AUTS2: variants seen among roughly 807,000 people sequenced by gnomAD.
AUTS2 encodes autism susceptibility gene 2 protein.
A neutral mutation model predicts 112.4 loss-of-function variants in AUTS2; 17 were observed. The observed-to-expected ratio is 0.15, with a 90% CI of 0.10 to 0.23. The LOEUF is 0.23. Among genes scored for constraint, AUTS2 ranks in the 10% least tolerant of loss-of-function variants. The probability of loss-of-function intolerance (pLI) is 1.00; values close to 1 mark genes in which losing one functional copy is unlikely to be tolerated. For missense variants in AUTS2, 1,510 were observed against 1,701.6 expected, an observed-to-expected ratio of 0.89 and a Z score of 1.98; for synonymous variants, 751 against 702.7, an observed-to-expected ratio of 1.07 and a Z score of -1.09.
chr7:69,800,864 A>G (rs1040022668), intron 1 of AUTS2, among the ~76,000 whole-genome samples: 1 of 151,894 alleles, frequency 6.6e-6, no homozygotes, highest in African/African-American at 2.4e-5. Flanking sequence ...ATTTATTTAC[A>G]TTCCTTCTAT....
At chr7:70,528,109 T>TA (rs1275870393) in intron 5 of AUTS2, among the ~76,000 whole-genome samples, 107 of 148,062 alleles carry the variant, frequency 7.2e-4, no homozygotes, top group African/African-American at 1.4e-3. Context: ...TTTTTTTTTT[T>TA]TTTTTTTTTT....
chr7:70,290,302 A>C (rs768575797), intron 4 of AUTS2: 72 of 1,377,078 alleles, frequency 5.2e-5, no homozygotes, highest in Non-Finnish European at 6.6e-5. Flanking sequence ...CATTTAGCAC[A>C]GTATTATATC....
intron 1 of AUTS2, among the ~76,000 whole-genome samples, chr7:69,615,323 GAC>G (rs1252760800): frequency 4.6e-5 from 7 of 151,986 alleles, no homozygotes; most frequent in Non-Finnish European, 1.0e-4. Context: ...TTTTTTTTGA[GAC>G]AGAGTCTTGC....
chr7:70,586,010 G>GC (rs1802672260), intron 5 of AUTS2, among the ~76,000 whole-genome samples: 1 of 151,926 alleles, frequency 6.6e-6, no homozygotes, highest in Non-Finnish European at 1.5e-5. Flanking sequence ...TTACAAGCAT[G>GC]CGCCACCATG....
In AUTS2 at chr7:70,789,947, G is replaced by T. The variant is rs776699634; in HGVS notation, c.2731G>T (p.Ala911Ser). The change falls in exon 19 of 19, where the codon GCG (alanine) becomes TCG (serine). Residue 911 changes from alanine to serine, a missense_variant. Ala to Ser is a moderately conservative substitution (Grantham distance 99). Coordinates refer to ENST00000342771, the MANE Select transcript of AUTS2 (RefSeq NM_015570.4). Reference protein sequence around the residue: ...RKDLAADEHKAKEGHLPEKDG... With the variant: ...RKDLAADEHKSKEGHLPEKDG... ...GGACCTGGCCGCCGACGAGCACAAG[G>T]CGAAAGAGGGCCACCTGCCCGAGAA... 3 of 1,613,856 alleles carry T rather than the reference G, an allele frequency of 1.9e-6. No individual in the cohort carries two copies. In the South Asian group the frequency reaches 3.3e-5, roughly 18 times the overall value.
At chr7:69,984,322 G>A (rs940995299) in intron 2 of AUTS2, among the ~76,000 whole-genome samples, 3 of 151,084 alleles carry the variant, frequency 2.0e-5, no homozygotes, top group Non-Finnish European at 2.9e-5. Context: ...CAGGAGAATG[G>A]CGTGAACTCA....
intron 2 of AUTS2, among the ~76,000 whole-genome samples, chr7:69,938,093 ATCT>A (rs1454966252): frequency 6.6e-6 from 1 of 152,194 alleles, no homozygotes; most frequent in Non-Finnish European, 1.5e-5. Context: ...TTTAGAAATA[ATCT>A]TCTTAAAGCC....
chr7:70,003,256 TATATA>T (rs1319253589), intron 2 of AUTS2, among the ~76,000 whole-genome samples: 3 of 122,994 alleles, frequency 2.4e-5, no homozygotes, highest in African/African-American at 7.1e-5. Flanking sequence ...TATATATGAA[TATATA>T]ATATATTATA....
chr7:69,677,155 T>C (rs1584053739), intron 1 of AUTS2, among the ~76,000 whole-genome samples: 1 of 152,186 alleles, frequency 6.6e-6, no homozygotes, highest in East Asian at 1.9e-4. Context: ...AGTCTCTGTG[T>C]ACCATTCTTT....
chr7:69,777,276 G>T (rs1242512187), intron 1 of AUTS2, among the ~76,000 whole-genome samples: 3 of 152,074 alleles, frequency 2.0e-5, no homozygotes, highest in African/African-American at 7.2e-5. Flanking sequence ...CCCATTTTCT[G>T]ATTGAACAGT....
chr7:70,251,337 A>G (rs972428784), intron 4 of AUTS2, among the ~76,000 whole-genome samples: 2 of 152,200 alleles, frequency 1.3e-5, no homozygotes, highest in African/African-American at 4.8e-5. Flanking sequence ...TGCTGGGATT[A>G]CAGGCGTGAA....
Position 70,765,818 on chromosome 7 carries a change from C to T in AUTS2, c.1469-296C>T, listed in dbSNP as rs538994807. 2.1e-4 allele frequency among the ~76,000 whole-genome samples: 32 copies of T among 152,322 alleles called. 1 individual carries two copies. In the South Asian group the frequency reaches 6.2e-3, roughly 30 times the overall value. On this transcript the variant is annotated intron_variant, in intron 8 of 18. Transcript: ENST00000342771. The stretch of plus-strand genomic sequence containing the variant: ...GTTATTTGCCATGCCCAGGGTCACT[C>T]AGCCAGTGGTGACAGCTGGAAATCG...
intron 2 of AUTS2, among the ~76,000 whole-genome samples, chr7:70,110,038 A>G (rs904517107): frequency 3.9e-5 from 6 of 152,224 alleles, no homozygotes; most frequent in Admixed American, 1.3e-4. Flanking sequence ...TGGCCTAATC[A>G]TAGAGAGTAG....
intron 4 of AUTS2, among the ~76,000 whole-genome samples, chr7:70,357,047 CAG>C (rs1223103425): frequency 1.3e-5 from 2 of 152,116 alleles, no homozygotes; most frequent in Non-Finnish European, 2.9e-5. Flanking sequence ...AGTTTGGTAA[CAG>C]AATTAGTTCA....
chr7:70,399,373 A>G (rs1794228896), intron 4 of AUTS2, among the ~76,000 whole-genome samples: 1 of 152,154 alleles, frequency 6.6e-6, no homozygotes, highest in Non-Finnish European at 1.5e-5. Flanking sequence ...CATTGTACAT[A>G]CATTGCTAAG....
chr7:70,003,162 T>A (rs1465284018), intron 2 of AUTS2, among the ~76,000 whole-genome samples: 2 of 138,470 alleles, frequency 1.4e-5, no homozygotes, highest in African/African-American at 2.6e-5. Flanking sequence ...ATTATATATA[T>A]TCATATATAT....
At chr7:70,355,771 G>T (rs541914844) in intron 4 of AUTS2, among the ~76,000 whole-genome samples, 7 of 152,164 alleles carry the variant, frequency 4.6e-5, no homozygotes, top group African/African-American at 1.2e-4. Flanking sequence ...ACTAATATAG[G>T]GTTCACTTTT....
chr7:70,172,366 A>C (rs1346574919), intron 4 of AUTS2, among the ~76,000 whole-genome samples: 2 of 152,236 alleles, frequency 1.3e-5, no homozygotes, highest in African/African-American at 4.8e-5. Flanking sequence ...TCTGTAAGGT[A>C]ATCCCAGACA....
chr7:70,662,410 G>A (rs576076278), intron 5 of AUTS2, among the ~76,000 whole-genome samples: 4 of 152,302 alleles, frequency 2.6e-5, no homozygotes, highest in African/African-American at 9.6e-5. Flanking sequence ...TTACTACCTG[G>A]GAAACAGTCC....
Sources: allele counts gnomAD v4.1 joint callset (sites outside exome capture counted in the v4.1 genomes callset), GRCh38; gene constraint gnomAD v4.1.1; transcripts MANE v1.5; gene names NCBI Gene and HGNC (gene_info 2026-07-23, HGNC 2026-07-21).